HIP1: variants seen among roughly 807,000 people sequenced by gnomAD.
The protein encoded by HIP1 is huntingtin-interacting protein 1.
Under a neutral mutation model 147.6 loss-of-function variants are expected in HIP1, and 65 were observed. That is an observed-to-expected ratio of 0.44 (90% CI 0.36 to 0.54). The LOEUF (loss-of-function observed/expected upper bound fraction) is 0.54. HIP1 is among the 20% of genes least tolerant of loss of function. The pLI, the probability that HIP1 is intolerant of heterozygous loss-of-function variation, is 0.00. For missense variants in HIP1, 1,061 were observed against 1,299.6 expected (o/e 0.82, Z 2.82); for synonymous variants, 479 against 504.0 (o/e 0.95, Z 0.67).
chr7:75,541,107 TAA>T (rs879955219), intron 29 of HIP1, among the ~76,000 whole-genome samples: 3 of 141,386 alleles, frequency 2.1e-5, no homozygotes, highest in Admixed American at 7.1e-5. Flanking sequence ...CTATCTTATT[TAA>T]AAAAAAAAAA....
chr7:75,685,657 T>C (rs1554517512), intron 1 of HIP1, among the ~76,000 whole-genome samples: 2 of 152,226 alleles, frequency 1.3e-5, no homozygotes, highest in Non-Finnish European at 2.9e-5. Flanking sequence ...CAAGCAATTC[T>C]CCTGCCTCAG....
At chr7:75,680,270 C>T (rs1168579368) in intron 1 of HIP1, among the ~76,000 whole-genome samples, 1 of 152,130 alleles carries the variant, frequency 6.6e-6, no homozygotes. Flanking sequence ...TCTTAAACTC[C>T]TGAGCTCAGG....
intron 1 of HIP1, among the ~76,000 whole-genome samples, chr7:75,651,460 C>CAAAAAAAA (rs1168846001): frequency 6.1e-4 from 27 of 44,126 alleles, no homozygotes; most frequent in South Asian, 1.1e-3. Flanking sequence ...CTCCATATCT[C>CAAAAAAAA]AAAAAAAAAA....
intron 1 of HIP1, among the ~76,000 whole-genome samples, chr7:75,672,002 T>G (rs1799742728): frequency 6.6e-6 from 1 of 152,214 alleles, no homozygotes; most frequent in Non-Finnish European, 1.5e-5. Context: ...CCCAAAGTGC[T>G]GGGATTACAG....
chr7:75,717,151 G>A (rs1453912014), intron 1 of HIP1, among the ~76,000 whole-genome samples: 8 of 152,086 alleles, frequency 5.3e-5, no homozygotes, highest in African/African-American at 1.9e-4. Flanking sequence ...CCTTGCCCAT[G>A]TGCAGTCTCA....
chr7:75,541,712 A>G (rs782654701), intron 29 of HIP1, among the ~76,000 whole-genome samples: 22 of 116,882 alleles, frequency 1.9e-4, no homozygotes, highest in Admixed American at 1.2e-3. Context: ...GAAAAAAAAC[A>G]AAACAAGACA....
chr7:75,675,093 G>T (rs114499618), intron 1 of HIP1, among the ~76,000 whole-genome samples: 2 of 151,962 alleles, frequency 1.3e-5, no homozygotes, highest in Non-Finnish European at 2.9e-5. Context: ...ATAGTGTCCC[G>T]CAGGTCATTA....
At chr7:75,664,336 ATGTG>A (rs782629165) in intron 1 of HIP1, among the ~76,000 whole-genome samples, 1 of 144,832 alleles carries the variant, frequency 6.9e-6, no homozygotes, top group East Asian at 2.1e-4. Flanking sequence ...ATGCATATAT[ATGTG>A]TGTATGTATA....
rs587612493 is a variant in HIP1 at position 75,536,778 on chromosome 7, T to A, written c.*1394A>T. 2.2e-5 allele frequency: 5 copies of A among 229,808 alleles called. No individual in the cohort carries two copies. In the South Asian group the frequency reaches 5.5e-4, roughly 25 times the overall value. The allele number at this position is 229,808 out of a possible 1,614,324, so 14.2% of individuals were successfully genotyped here. ...TCCAGCACCTTGGCCTTTCTTCTGA[T>A]TCTTGAAGGCTGATGTAGCCGGGCA... On this transcript the variant is annotated 3_prime_UTR_variant, in exon 31 of 31. Coordinates refer to ENST00000336926, the MANE Select transcript of HIP1 (RefSeq NM_005338.7).
chr7:75,627,562 G>T (rs73370142), intron 1 of HIP1, among the ~76,000 whole-genome samples: 5,463 of 152,194 alleles, frequency 0.036, 331 homozygotes, highest in African/African-American at 0.12. Context: ...AATTGCATGA[G>T]ACACGGTGCT....
chr7:75,545,878 T>C (rs1170731387), intron 25 of HIP1, among the ~76,000 whole-genome samples: 1 of 152,108 alleles, frequency 6.6e-6, no homozygotes, highest in Non-Finnish European at 1.5e-5. Flanking sequence ...GAGGCAGAGG[T>C]TGCAGTGAGC....
intron 1 of HIP1, among the ~76,000 whole-genome samples, chr7:75,663,962 ATATATATATACACATATATGTG>A (rs1309666339): frequency 0.14 from 4,005 of 28,278 alleles, 1,064 homozygotes; most frequent in Non-Finnish European, 0.18. Context: ...ATATATGTGT[ATATATATATACACATATATGTG>A]TATATATATA....
intron 1 of HIP1, among the ~76,000 whole-genome samples, chr7:75,722,808 A>G (rs765314562): frequency 1.3e-5 from 2 of 152,210 alleles, no homozygotes; most frequent in Non-Finnish European, 2.9e-5. Flanking sequence ...TTGGAATTGC[A>G]ACAAAGAACT....
chr7:75,632,822 A>C (rs1198580904), intron 1 of HIP1, among the ~76,000 whole-genome samples: 2 of 152,238 alleles, frequency 1.3e-5, no homozygotes, highest in African/African-American at 4.8e-5. Flanking sequence ...AATACTCTGC[A>C]GCCATAAAAA....
At chr7:75,736,827 G>A (rs144995780) in intron 1 of HIP1, among the ~76,000 whole-genome samples, 30 of 151,746 alleles carry the variant, frequency 2.0e-4, no homozygotes, top group African/African-American at 7.0e-4. Flanking sequence ...CCTGCATGGA[G>A]GCACTTTCTT....
In HIP1 at chr7:75,653,482, C is replaced by G. The variant is rs1799056762; in HGVS notation, c.121-54235G>C. Among the ~76,000 whole-genome samples the G allele has an allele frequency of 2.0e-5, 3 of 151,584 alleles. 1 individual carries two copies. In the South Asian group the frequency reaches 6.3e-4, roughly 32 times the overall value. On this transcript the variant is annotated intron_variant, in intron 1 of 30. Transcript: ENST00000336926. The stretch of plus-strand genomic sequence containing the variant: ...AGCCTGGGCAACATAGTGAGACCCC[C>G]ATCTCTACAAAAAATAGAAAAATTA...
chr7:75,659,065 C>T (rs1259736575), intron 1 of HIP1, among the ~76,000 whole-genome samples: 4 of 152,224 alleles, frequency 2.6e-5, no homozygotes, highest in Non-Finnish European at 5.9e-5. Context: ...GTGACATTGA[C>T]GTGTCCTCAC....
intron 1 of HIP1, among the ~76,000 whole-genome samples, chr7:75,628,640 G>A (rs28637876): frequency 0.076 from 11,561 of 152,124 alleles, 557 homozygotes; most frequent in African/African-American, 0.13. Flanking sequence ...TGCCGCACCC[G>A]GCTAATTTTT....
intron 4 of HIP1, among the ~76,000 whole-genome samples, chr7:75,590,361 G>C (rs1291522371): frequency 1.3e-5 from 2 of 151,978 alleles, no homozygotes; most frequent in African/African-American, 4.8e-5. Context: ...AATTATTAGA[G>C]AACATGCCAA....
Sources: gnomAD v4.1 joint callset for allele counts (sites outside exome capture counted in the v4.1 genomes callset) on GRCh38, gnomAD v4.1.1 for gene constraint, MANE v1.5 for transcripts, NCBI Gene and HGNC (gene_info 2026-07-23, HGNC 2026-07-21) for gene names.